The following PTPRU variants were observed in gnomAD, a reference collection of about 807,000 sequenced individuals.
PTPRU encodes the protein receptor-type tyrosine-protein phosphatase U.
In PTPRU, 69 loss-of-function variants were observed where a neutral mutation model predicts 166.3. The observed-to-expected ratio is 0.41, with a 90% CI of 0.34 to 0.51. The LOEUF (loss-of-function observed/expected upper bound fraction) is 0.51. Among genes scored for constraint, PTPRU ranks in the 20% least tolerant of loss-of-function variants. The pLI is 0.09. For synonymous variants in PTPRU, 793 were observed against 814.0 expected, an observed-to-expected ratio of 0.97 and a Z score of 0.44; for missense variants, 1,657 against 2,013.7, an observed-to-expected ratio of 0.82 and a Z score of 3.39.
rs186764808 is a variant in PTPRU at position 29,293,302 on chromosome 1, A to G, written c.2476+1276A>G. Among the ~76,000 whole-genome samples, 1,038 of 151,710 alleles carry G rather than the reference A, an allele frequency of 6.8e-3. 16 individuals are homozygous for G. The highest frequency in any genetic ancestry group is 0.023 in the African/African-American group (972 of 41,414). On this transcript the variant is annotated intron_variant, in intron 15 of 29. Coordinates refer to ENST00000373779, the MANE Select transcript of PTPRU (RefSeq NM_133178.4). ...CAGTTTTTGTATTTTTAGTAGAGAC[A>G]GGGTTTCACCATGTTAGCCACGCTG...
intron 28 of PTPRU, among the ~76,000 whole-genome samples, chr1:29,324,828 C>T (rs1688329866): frequency 6.7e-6 from 1 of 150,130 alleles, no homozygotes. Context: ...CTTCTGAGTT[C>T]CCTAGTTCTG....
At chr1:29,309,262 A>G (rs566719280) in intron 18 of PTPRU, among the ~76,000 whole-genome samples, 4 of 152,248 alleles carry the variant, frequency 2.6e-5, no homozygotes, top group East Asian at 1.9e-4. Flanking sequence ...CTGGTGATGC[A>G]TAATCCCGGG....
At chr1:29,251,789 A>G (rs1684553832) in intron 1 of PTPRU, among the ~76,000 whole-genome samples, 1 of 152,190 alleles carries the variant, frequency 6.6e-6, no homozygotes, top group African/African-American at 2.4e-5. Flanking sequence ...GAAAGGCCTG[A>G]ACCCCATCCA....
chr1:29,316,479 A>G (rs1007462759), intron 24 of PTPRU, among the ~76,000 whole-genome samples: 3 of 152,122 alleles, frequency 2.0e-5, no homozygotes, highest in Admixed American at 1.3e-4. Flanking sequence ...AGTAGTTAAT[A>G]TGTCCCTTGG....
chr1:29,244,593 G>A lies in PTPRU; in HGVS notation c.73+7876G>A, dbSNP rs755925781. On this transcript the variant is annotated intron_variant, in intron 1 of 29. Coordinates refer to ENST00000373779, the MANE Select transcript of PTPRU (RefSeq NM_133178.4). ...TGTGGCTGGGCATGCCTGTCAATATGTGTTTGTCTAGCGTGTGGTGGTTAA... is the reference window on the plus strand; with the variant it reads ...TGTGGCTGGGCATGCCTGTCAATATATGTTTGTCTAGCGTGTGGTGGTTAA... 1.3e-4 allele frequency among the ~76,000 whole-genome samples: 20 copies of A among 152,072 alleles called. 1 individual carries two copies. Among genetic ancestry groups the A allele is most frequent in the Admixed American group, 7.2e-4 (11 of 15,280 alleles).
rs76124838 is a variant in PTPRU, at chr1:29,285,448, C to T, written c.2318+579C>T. Among the ~76,000 whole-genome samples, 1,270 of 152,266 alleles carry T rather than the reference C, an allele frequency of 8.3e-3. 19 individuals carry two copies. Among genetic ancestry groups the T allele is most frequent in the African/African-American group, 0.029 (1,206 of 41,540 alleles). On this transcript the variant is annotated intron_variant, in intron 14 of 29. Coordinates refer to ENST00000373779, the MANE Select transcript of PTPRU (RefSeq NM_133178.4). The stretch of plus-strand genomic sequence containing the variant: ...TCCCCCTGCCGCCCCTACTATCCCT[C>T]GTGTCTCAAAGGTCCAGCCTGTGTT...
Position 29,325,817 on chromosome 1 carries a change from T to C in PTPRU, c.*156T>C. On this transcript the variant is annotated 3_prime_UTR_variant, in exon 30 of 30. Coordinates refer to ENST00000373779, the MANE Select transcript of PTPRU (RefSeq NM_133178.4). ...GGCTATCTTGCTCCCCCTTCCACTGTGGGCAGGGCCTTTCGCTTGTCCCAT... is the reference window on the plus strand; with the variant it reads ...GGCTATCTTGCTCCCCCTTCCACTGCGGGCAGGGCCTTTCGCTTGTCCCAT... 1 of 831,996 alleles carries C rather than the reference T, an allele frequency of 1.2e-6. No homozygotes were observed. 51.5% of individuals were successfully genotyped at this position (831,996 alleles called of 1,614,324 possible).
At position 29,316,053 on chromosome 1, in the gene PTPRU, G is replaced by A. The variant is rs1413521106; in HGVS notation, c.3415G>A (p.Glu1139Lys). The change falls in exon 24 of 30, where the codon GAG (glutamate) becomes AAG (lysine). Residue 1139 changes from glutamate (E) to lysine (K), a missense_variant. By Grantham distance (56) the Glu-to-Lys change is moderately conservative. Around this residue, in one of 3 missense-constraint regions of PTPRU, gnomAD observed 1,190 missense variants for 1,477.4 expected, o/e 0.81. Transcript: ENST00000373779. ...DAILEACLCGETTIPVSEFKA... is the reference protein window; with the variant it reads ...DAILEACLCGKTTIPVSEFKA... ...AATCCTGGAGGCCTGCCTGTGTGGG[G>A]AGACCACCATCCCTGTCAGTGAGTT... The A allele has an allele frequency of 1.2e-6, 2 of 1,614,060 alleles. No individual in the cohort carries two copies. Among genetic ancestry groups the A allele is most frequent in the East Asian group, 2.2e-5 (1 of 44,878 alleles).
chr1:29,302,787 G>A (rs184404035), intron 15 of PTPRU, among the ~76,000 whole-genome samples: 67 of 152,228 alleles, frequency 4.4e-4, no homozygotes, highest in Admixed American at 1.8e-3. Context: ...CTGACCTCAT[G>A]ATTCACCCAC....
At chr1:29,323,078 T>A (rs1387311532) in intron 26 of PTPRU, 2 of 344,554 alleles carry the variant, frequency 5.8e-6, no homozygotes, top group Non-Finnish European at 1.1e-5. Flanking sequence ...TGTGAACCGG[T>A]TAAGGTGTAG....
intron 1 of PTPRU, among the ~76,000 whole-genome samples, chr1:29,240,160 G>T (rs1683977846): frequency 6.6e-6 from 1 of 152,112 alleles, no homozygotes; most frequent in Non-Finnish European, 1.5e-5. Flanking sequence ...AACTTGATGG[G>T]CTCTCAGCTG....
At chr1:29,263,175 G>A (rs941269125) in intron 7 of PTPRU, among the ~76,000 whole-genome samples, 1 of 152,112 alleles carries the variant, frequency 6.6e-6, no homozygotes, top group African/African-American at 2.4e-5. Context: ...AGTAGAGATG[G>A]GGTTTGGCCA....
chr1:29,251,257 A>C (rs78311123), intron 1 of PTPRU, among the ~76,000 whole-genome samples: 1 of 145,308 alleles, frequency 6.9e-6, no homozygotes, highest in Non-Finnish European at 1.5e-5. Flanking sequence ...ATCTCAAAAG[A>C]AAAAAAAAAA....
chr1:29,304,109 G>A, intron 16 of PTPRU, 64 bp downstream of exon 16: 6 of 1,538,614 alleles, frequency 3.9e-6, no homozygotes, highest in Admixed American at 1.8e-5. Flanking sequence ...TACTCTCTGT[G>A]GACTCTGACC....
chr1:29,239,848 G>A (rs1334326475), intron 1 of PTPRU, among the ~76,000 whole-genome samples: 1 of 152,052 alleles, frequency 6.6e-6, no homozygotes, highest in Non-Finnish European at 1.5e-5. Context: ...CCCTCATGGT[G>A]CCAGGGATCT....
At position 29,304,897 on chromosome 1, in the gene PTPRU, C is replaced by T. The variant is rs748225464; in HGVS notation, c.2743+48C>T. ...GGGTCCAGGGCAGTGGGTGGGAGGG[C>T]ATCAGGAGGGGGAACACAGCCAGGG... On this transcript the variant is annotated intron_variant, in intron 17 of 29. Transcript: ENST00000373779. 39 of 1,502,976 alleles carry T rather than the reference C, an allele frequency of 2.6e-5. No individual in the cohort carries two copies. In the Admixed American group the frequency reaches 6.0e-4, roughly 23 times the overall value. 93.1% of individuals were successfully genotyped at this position (1,502,976 alleles called of 1,614,324 possible). A position where few individuals can be genotyped will look rare whatever the true frequency, so the allele number is the denominator to read the frequency against.
intron 14 of PTPRU, among the ~76,000 whole-genome samples, chr1:29,286,499 C>T (rs754910288): frequency 6.6e-6 from 1 of 152,096 alleles, no homozygotes; most frequent in African/African-American, 2.4e-5. Flanking sequence ...AACTCAGGCT[C>T]GCCTACAAAT....
At chr1:29,247,611 CTT>C (rs1447649859) in intron 1 of PTPRU, among the ~76,000 whole-genome samples, 2 of 150,998 alleles carry the variant, frequency 1.3e-5, no homozygotes, top group East Asian at 3.8e-4. Flanking sequence ...TCTGTGAACT[CTT>C]TGCACCACTG....
At chr1:29,288,903 C>A (rs1051793389) in intron 14 of PTPRU, among the ~76,000 whole-genome samples, 3 of 152,146 alleles carry the variant, frequency 2.0e-5, no homozygotes, top group Non-Finnish European at 4.4e-5. Flanking sequence ...GGGTGCTTTG[C>A]GGTAAGGTAG....
Sources: gnomAD v4.1 joint callset for allele counts (sites outside exome capture counted in the v4.1 genomes callset) on GRCh38, gnomAD v4.1.1 for gene constraint, gnomAD v4.1.1 regional missense constraint, MANE v1.5 for transcripts, NCBI Gene and HGNC (gene_info 2026-07-23, HGNC 2026-07-21) for gene names.